The following AMPD3 variants were observed in gnomAD, a reference collection of about 807,000 sequenced individuals.
The protein encoded by AMPD3 is AMP deaminase 3.
Under a neutral mutation model 82.3 loss-of-function variants are expected in AMPD3, and 57 were observed. That is an observed-to-expected ratio of 0.69 (90% CI 0.56 to 0.86). The LOEUF (loss-of-function observed/expected upper bound fraction) is 0.86, where lower values mean the gene tolerates loss of function less well. Ranked by LOEUF, AMPD3 falls within the 40% of genes least tolerant of loss-of-function variation. AMPD3 has a pLI of 0.00. For synonymous variants in AMPD3, 381 were observed against 394.7 expected (o/e 0.97, Z 0.41); for missense variants, 870 against 1,003.8 (o/e 0.87, Z 1.80).
chr11:10,497,530 G>A (rs11042855), intron 10 of AMPD3: 160,969 of 971,940 alleles, frequency 0.17, 14,028 homozygotes, highest in East Asian at 0.22. Context: ...GGTGATACAG[G>A]CCAGTGCCTG....
chr11:10,470,793 T>C (rs1360344381), intron 2 of AMPD3, among the ~76,000 whole-genome samples: 1 of 152,136 alleles, frequency 6.6e-6, no homozygotes, highest in East Asian at 1.9e-4. Context: ...TACAAACCAC[T>C]GCTCAAGGAA....
At chr11:10,487,125 C>G (rs564239725) in intron 5 of AMPD3, 110 bp from the exon 6 acceptor site, 2 of 1,586,734 alleles carry the variant, frequency 1.3e-6, no homozygotes, top group Non-Finnish European at 1.7e-6. Flanking sequence ...TTCCGCCCTG[C>G]TCCGTCCTGA....
At chr11:10,499,798 G>T (rs1028714961) in intron 10 of AMPD3, 1 of 985,294 alleles carries the variant, frequency 1.0e-6, no homozygotes, top group African/African-American at 1.7e-5. Flanking sequence ...CCTTCACCTG[G>T]CTTGGCAGTT....
chr11:10,467,819 T>C (rs1269294194), intron 2 of AMPD3, among the ~76,000 whole-genome samples: 1 of 152,144 alleles, frequency 6.6e-6, no homozygotes, highest in Non-Finnish European at 1.5e-5. Flanking sequence ...AGCAGATCTC[T>C]CTGCAGAAAC....
At chr11:10,460,888 A>C (rs1848249956) in intron 1 of AMPD3, 2 of 985,426 alleles carry the variant, frequency 2.0e-6, no homozygotes, top group Non-Finnish European at 2.4e-6. Flanking sequence ...TGAGGGAGTG[A>C]GTTTTCAGCT....
At chr11:10,458,254 TAAAAAA>T (rs374036957) in intron 1 of AMPD3, among the ~76,000 whole-genome samples, 1 of 91,462 alleles carries the variant, frequency 1.1e-5, no homozygotes, top group African/African-American at 4.5e-5. Flanking sequence ...ACCTCATCTC[TAAAAAA>T]AAAAAAAAAA....
rs76318574 is a variant in AMPD3, at chr11:10,506,171, T to C, written c.*287T>C. ...TATTTCTCTTGAAACTGCCAGTGCC[T>C]GAACTGTTGGGGCCAGGATTTTCCC... On this transcript the variant is annotated 3_prime_UTR_variant, in exon 15 of 15. Transcript: ENST00000396553. The surrounding 1 kb of genome is among the most constrained non-coding windows in gnomAD (Gnocchi z 4.1). 0.02 allele frequency: 8,545 copies of C among 437,678 alleles called. 118 individuals are homozygous for C. The highest frequency in any genetic ancestry group is 0.028 in the Non-Finnish European group (6,635 of 235,580). The allele number at this position is 437,678 out of a possible 1,614,324, so 27.1% of individuals were successfully genotyped here. A position where few individuals can be genotyped will look rare whatever the true frequency, so the allele number is the denominator to read the frequency against.
chr11:10,500,187 A>C lies in AMPD3; in HGVS notation c.1659A>C (p.Pro553=). ...ACGTCTGGACCAGTGAGCAGAACCC[A>C]CCCTACAGCTACTACCTGTACTACA... is the stretch of plus-strand genomic sequence containing the variant. ...NPDVWTSEQN[P]PYSYYLYYMY... The change falls in exon 11 of 15, where the codon CCA becomes CCC. Residue 553 remains proline, a synonymous_variant. Transcript: ENST00000396553. 6.2e-7 allele frequency: 1 copy of C among 1,614,106 alleles called. No individual in the cohort carries two copies. Among genetic ancestry groups the C allele is most frequent in the Non-Finnish European group, 8.5e-7 (1 of 1,180,012 alleles).
intron 12 of AMPD3, chr11:10,502,503 G>C (rs778226670): frequency 1.0e-6 from 1 of 985,370 alleles, no homozygotes; most frequent in Non-Finnish European, 1.2e-6. Flanking sequence ...AGGCACCAGG[G>C]AGGGCTGGCA....
At chr11:10,484,601 G>A (rs1230379844) in intron 4 of AMPD3, 1 of 773,736 alleles carries the variant, frequency 1.3e-6, no homozygotes, top group Non-Finnish European at 1.6e-6. Context: ...TTCTATTGGA[G>A]TGGAGAAGAC....
intron 4 of AMPD3, chr11:10,484,426 A>T: frequency 1.0e-6 from 1 of 985,344 alleles, no homozygotes; most frequent in Non-Finnish European, 1.2e-6. Flanking sequence ...GGGAGAAGAC[A>T]CCGCTGCTCT....
In AMPD3 at chr11:10,481,065, A is replaced by G. The variant is rs528097846; in HGVS notation, c.427-998A>G. Among the ~76,000 whole-genome samples the G allele has an allele frequency of 3.3e-4, 50 of 152,330 alleles. No individual in the cohort carries two copies. The South Asian group carries it at 4.6e-3, about 14-fold the overall frequency. The stretch of plus-strand genomic sequence containing the variant: ...TGGGACTCAATCAGGTTAGAGTCTG[A>G]AATTTGACTCTGTAGCTTCCTGGCA... On this transcript the variant is annotated intron_variant, in intron 3 of 14. Transcript: ENST00000396553.
intron 2 of AMPD3, among the ~76,000 whole-genome samples, chr11:10,472,790 A>G (rs1848632474): frequency 6.6e-6 from 1 of 152,120 alleles, no homozygotes; most frequent in Non-Finnish European, 1.5e-5. Context: ...GATCACCTGA[A>G]GTCAGGAGTT....
chr11:10,496,694 C>A, intron 9 of AMPD3, 118 bp from the exon 10 acceptor site: 2 of 1,554,630 alleles, frequency 1.3e-6, no homozygotes, highest in Non-Finnish European at 1.8e-6. Context: ...TCCCATCTGA[C>A]TTGATTCTGG....
chr11:10,464,629 G>T (rs1438213982), intron 2 of AMPD3, among the ~76,000 whole-genome samples: 1 of 152,100 alleles, frequency 6.6e-6, no homozygotes, highest in Non-Finnish European at 1.5e-5. Flanking sequence ...AAAAAGCTTG[G>T]TCCCTGGACT....
intron 2 of AMPD3, among the ~76,000 whole-genome samples, chr11:10,467,052 G>T (rs1848442218): frequency 6.6e-6 from 1 of 152,208 alleles, no homozygotes; most frequent in Non-Finnish European, 1.5e-5. Context: ...CCACGAAGAT[G>T]GGGATGTAAA....
rs1848380848 is a variant in AMPD3, at chr11:10,465,079, G to A, written c.221+3339G>A. 2.0e-5 allele frequency among the ~76,000 whole-genome samples: 3 copies of A among 152,190 alleles called. No homozygotes were observed. In the South Asian group the frequency reaches 6.2e-4, roughly 32 times the overall value. On this transcript the variant is annotated intron_variant, in intron 2 of 14. Coordinates refer to ENST00000396553, the MANE Select transcript of AMPD3 (RefSeq NM_001025389.2). ...AAACTGCAAAATGAGAATAATAAAA[G>A]GACATACCTTGTGAGAATTAAATGA...
At chr11:10,465,508 G>A (rs1848393377) in intron 2 of AMPD3, among the ~76,000 whole-genome samples, 1 of 152,256 alleles carries the variant, frequency 6.6e-6, no homozygotes, top group African/African-American at 2.4e-5. Context: ...ATTTCCAACT[G>A]AGGTACTGGT....
chr11:10,462,568 G>A (rs973714815), intron 2 of AMPD3, among the ~76,000 whole-genome samples: 1 of 152,156 alleles, frequency 6.6e-6, no homozygotes, highest in Non-Finnish European at 1.5e-5. Flanking sequence ...CACCTTCCAG[G>A]TTCTCCCAGT....
Sources: allele counts gnomAD v4.1 joint callset (sites outside exome capture counted in the v4.1 genomes callset), GRCh38; gene constraint gnomAD v4.1.1; non-coding constraint Gnocchi (gnomAD v3.1); transcripts MANE v1.5; gene names NCBI Gene and HGNC (gene_info 2026-07-23, HGNC 2026-07-21).